Variants in ABCG2 observed in about 807,000 individuals in gnomAD.
The protein encoded by ABCG2 is broad substrate specificity ATP-binding cassette transporter ABCG2.
In ABCG2, 80 loss-of-function variants were observed where a neutral mutation model predicts 73.5. The ratio of observed to expected loss-of-function variants is 1.09; its 90% CI spans 0.91 to 1.31. The LOEUF is 1.31. Ranked by LOEUF, ABCG2 falls within the 50% of genes most tolerant of loss-of-function variation. The pLI, the probability that ABCG2 is intolerant of heterozygous loss-of-function variation, is 0.00. For synonymous variants in ABCG2, 269 were observed against 282.4 expected (o/e 0.95, Z 0.48); for missense variants, 796 against 786.2 (o/e 1.01, Z -0.15).
chr4:88,119,114 G>A lies in ABCG2; in HGVS notation c.690-854C>T, dbSNP rs1012902106. ...GGGGAAGTTCCCCCATACTGTTCTC[G>A]TGGTACTGAAAAACTCTCACGAGAT... is the stretch of plus-strand genomic sequence containing the variant. On this transcript the variant is annotated intron_variant, in intron 6 of 15. Coordinates refer to ENST00000237612, the MANE Select transcript of ABCG2 (RefSeq NM_004827.3). 2.4e-4 allele frequency among the ~76,000 whole-genome samples: 37 copies of A among 152,284 alleles called. 1 individual carries two copies. The highest frequency in any genetic ancestry group is 7.2e-4 in the Admixed American group (11 of 15,304).
chr4:88,223,228 A>G (rs1730076838), intron 1 of ABCG2, among the ~76,000 whole-genome samples: 1 of 152,038 alleles, frequency 6.6e-6, no homozygotes, highest in Non-Finnish European at 1.5e-5. Flanking sequence ...ACTTTGGGGG[A>G]CTGTTGGAAG....
chr4:88,183,086 T>TA (rs57261009), intron 1 of ABCG2, among the ~76,000 whole-genome samples: 10 of 68,930 alleles, frequency 1.5e-4, no homozygotes, highest in African/African-American at 4.2e-4. Flanking sequence ...CTCCGTCTCA[T>TA]AAAAAAAAAA....
At chr4:88,145,457 G>T (rs1431765507) in intron 1 of ABCG2, among the ~76,000 whole-genome samples, 1 of 152,196 alleles carries the variant, frequency 6.6e-6, no homozygotes, top group East Asian at 1.9e-4. Context: ...TTGTATGGTG[G>T]TTTCAGAGTT....
chr4:88,117,748 G>C (rs771564139), intron 7 of ABCG2, among the ~76,000 whole-genome samples: 148 of 152,300 alleles, frequency 9.7e-4, no homozygotes, highest in Non-Finnish European at 1.8e-3. Context: ...TGGTCAAGAA[G>C]ACAATCATAT....
intron 1 of ABCG2, among the ~76,000 whole-genome samples, chr4:88,223,140 C>T (rs1730072907): frequency 6.6e-6 from 1 of 152,132 alleles, no homozygotes; most frequent in Admixed American, 6.5e-5. Context: ...TTTACAGGCT[C>T]ATAGGTGGAA....
At chr4:88,206,035 A>G (rs1404648990) in intron 1 of ABCG2, among the ~76,000 whole-genome samples, 4 of 152,160 alleles carry the variant, frequency 2.6e-5, no homozygotes, top group Non-Finnish European at 5.9e-5. Flanking sequence ...TGCCGACAAT[A>G]CTTCGTTCTC....
exon 1 of ABCG2, chr4:88,231,227 T>A (rs147276311): frequency 1.3e-5 from 2 of 152,298 alleles, no homozygotes; most frequent in African/African-American, 4.8e-5. Flanking sequence ...ATCCTGCAGC[T>A]ACCAGGGAAC....
intron 1 of ABCG2, among the ~76,000 whole-genome samples, chr4:88,194,031 C>G (rs1423426765): frequency 1.3e-5 from 2 of 152,148 alleles, no homozygotes; most frequent in Admixed American, 1.3e-4. Flanking sequence ...AGGCGTAAGC[C>G]ACCATGCTCG....
chr4:88,126,590 A>G (rs549389851), intron 5 of ABCG2, among the ~76,000 whole-genome samples: 4 of 152,290 alleles, frequency 2.6e-5, no homozygotes, highest in African/African-American at 9.6e-5. Context: ...TGATCAAGTC[A>G]GCTTCATCCC....
chr4:88,092,734 C>A (rs1721720368), intron 15 of ABCG2, among the ~76,000 whole-genome samples: 1 of 152,206 alleles, frequency 6.6e-6, no homozygotes, highest in Non-Finnish European at 1.5e-5. Context: ...TGTAATGCTG[C>A]TCTCTCCAAA....
rs752588009 is a variant in ABCG2 at position 88,224,626 on chromosome 4, G to A, written c.-20+6368C>T. On this transcript the variant is annotated intron_variant, in intron 1 of 15. Transcript: ENST00000515655. Reference sequence around the variant, plus strand: ...CCTGCTTCAGCCTCTAGAATAGCTGGGACTATAGGTGCGCACCACCACACT... The same window carrying A: ...CCTGCTTCAGCCTCTAGAATAGCTGAGACTATAGGTGCGCACCACCACACT... Among the ~76,000 whole-genome samples the A allele has an allele frequency of 7.9e-5, 12 of 152,064 alleles. No individual in the cohort carries two copies. The East Asian group carries it at 1.2e-3, about 15-fold the overall frequency.
intron 1 of ABCG2, among the ~76,000 whole-genome samples, chr4:88,178,874 C>T (rs1015908061): frequency 3.6e-4 from 55 of 152,126 alleles, no homozygotes; most frequent in African/African-American, 1.3e-3. Flanking sequence ...AGCACAGCCT[C>T]AGTGGAATAC....
At chr4:88,213,982 C>CTTTTTTTTTTTTTTTTTTTTTTTTT (rs33984842) in intron 1 of ABCG2, among the ~76,000 whole-genome samples, 1 of 59,622 alleles carries the variant, frequency 1.7e-5, no homozygotes. Flanking sequence ...CACGCCCGGC[C>CTTTTTTTTTTTTTTTTTTTTTTTTT]TTTTTTTTTT....
chr4:88,224,023 A>G (rs1241559850), intron 1 of ABCG2, among the ~76,000 whole-genome samples: 5 of 152,158 alleles, frequency 3.3e-5, no homozygotes, highest in Non-Finnish European at 7.3e-5. Context: ...AGAAATGTCT[A>G]TTCAAATTAT....
intron 1 of ABCG2, among the ~76,000 whole-genome samples, chr4:88,189,543 A>T (rs1364440160): frequency 1.3e-5 from 2 of 151,604 alleles, no homozygotes; most frequent in African/African-American, 4.8e-5. Context: ...ATAAATAAAT[A>T]AATAAATAAA....
intron 9 of ABCG2, 118 bp downstream of exon 9, chr4:88,113,185 G>T: frequency 7.5e-7 from 1 of 1,326,434 alleles, no homozygotes; most frequent in Non-Finnish European, 1.0e-6. Flanking sequence ...TATATCCCAG[G>T]TGGAGTGAAG....
intron 7 of ABCG2, among the ~76,000 whole-genome samples, chr4:88,115,825 G>A (rs1218297339): frequency 6.6e-6 from 1 of 152,058 alleles, no homozygotes; most frequent in Non-Finnish European, 1.5e-5. Context: ...GGTGTGTTCT[G>A]CTCTCTGAGT....
chr4:88,147,056 TAAAGG>T (rs1308674487), intron 1 of ABCG2, among the ~76,000 whole-genome samples: 2 of 76,380 alleles, frequency 2.6e-5, no homozygotes, highest in Non-Finnish European at 5.2e-5. Context: ...AAAAGAAAGG[TAAAGG>T]AAAGGAAAGG....
At chr4:88,107,352 TG>T (rs1402855488) in intron 9 of ABCG2, 86 bp from the exon 10 acceptor site, 4 of 908,366 alleles carry the variant, frequency 4.4e-6, no homozygotes, top group Non-Finnish European at 6.6e-6. Context: ...GTATAATATA[TG>T]GTTACATAAT....
Sources: gnomAD v4.1 joint callset for allele counts (sites outside exome capture counted in the v4.1 genomes callset) on GRCh38, gnomAD v4.1.1 for gene constraint, MANE v1.5 for transcripts, NCBI Gene and HGNC (gene_info 2026-07-23, HGNC 2026-07-21) for gene names.